The following HTR3C variants were observed in gnomAD, a reference collection of about 807,000 sequenced individuals.
HTR3C encodes 5-hydroxytryptamine receptor 3C, also known as 5-HT3-C.
A neutral mutation model predicts 40.5 loss-of-function variants in HTR3C; 32 were observed. The observed-to-expected ratio is 0.79, with a 90% CI of 0.60 to 1.06. The LOEUF (loss-of-function observed/expected upper bound fraction) is 1.06. HTR3C is among the 50% of genes least tolerant of loss of function. The pLI is 0.00. For synonymous variants in HTR3C, 209 were observed against 217.1 expected, an observed-to-expected ratio of 0.96 and a Z score of 0.33; for missense variants, 523 against 556.8, an observed-to-expected ratio of 0.94 and a Z score of 0.61.
chr3:184,056,412 C>T, intron 4 of HTR3C, 126 bp downstream of exon 4: 1 of 688,704 alleles, frequency 1.5e-6, no homozygotes, highest in Non-Finnish European at 2.6e-6. Flanking sequence ...CTGACTTCCA[C>T]ACATCACTAC....
At position 184,059,510 on chromosome 3, in the gene HTR3C, T is replaced by A; in HGVS notation, c.795T>A (p.Asp265Glu). The change falls in exon 7 of 9, where the codon GAT (aspartate) becomes GAA (glutamate). Residue 265 changes from aspartate (D) to glutamate (E), a missense_variant. By Grantham distance (45) the Asp-to-Glu change is conservative. Coordinates refer to ENST00000318351, the MANE Select transcript of HTR3C (RefSeq NM_130770.3). ...LVPSSFLVAIDALSFYLPAES... is the reference protein window; with the variant it reads ...LVPSSFLVAIEALSFYLPAES... ...CCAGTAGCTTTCTGGTTGCCATTGA[T>A]GCCCTCAGCTTCTACCTGCCAGCAG... 6.2e-7 allele frequency: 1 copy of A among 1,614,210 alleles called. No homozygotes were observed. The highest frequency in any genetic ancestry group is 1.1e-5 in the South Asian group (1 of 91,082).
chr3:184,054,675 C>G (rs775518329), intron 1 of HTR3C, 46 bp from the exon 2 acceptor site: 11 of 1,472,030 alleles, frequency 7.5e-6, no homozygotes, highest in Admixed American at 6.7e-5. Flanking sequence ...GAGACTCCAG[C>G]CCTGGAAATA....
At position 184,060,387 on chromosome 3, in the gene HTR3C, G is replaced by A; in HGVS notation, c.*35G>A. On this transcript the variant is annotated 3_prime_UTR_variant, in exon 9 of 9. Transcript: ENST00000318351. ...CCCCCTCTCTGGCAAACAACAGCTT[G>A]GAGTTTCTGCTGGTCTTGGGCCAGC... The A allele has an allele frequency of 6.2e-7, 1 of 1,613,364 alleles. No homozygotes were observed. The highest frequency in any genetic ancestry group is 8.5e-7 in the Non-Finnish European group (1 of 1,179,364).
chr3:184,059,618 T>C lies in HTR3C; in HGVS notation c.903T>C (p.Pro301=). 6.2e-7 allele frequency: 1 copy of C among 1,614,118 alleles called. No individual in the cohort carries two copies. Among genetic ancestry groups the C allele is most frequent in the Non-Finnish European group, 8.5e-7 (1 of 1,180,016 alleles). ...TGCTCATGATGAATGACTTGCTCCC[T>C]GCCAGTGGCACCCCCCTCATCAGTA... The part of the protein sequence containing the change: ...VFLLMMNDLL[P]ASGTPLISVY... Residue 301 remains proline, a synonymous_variant, in exon 7 of 9, where the codon CCT becomes CCC. Transcript: ENST00000318351.
intron 2 of HTR3C, 54 bp downstream of exon 2, chr3:184,054,941 C>T: frequency 6.5e-7 from 1 of 1,529,676 alleles, no homozygotes; most frequent in South Asian, 1.3e-5. Flanking sequence ...AACGAGGACC[C>T]TCTGCCCTGT....
In HTR3C at chr3:184,058,595, C is replaced by T. The variant is rs1173882707; in HGVS notation, c.720+8C>T. On this transcript the variant is annotated splice_region_variant and intron_variant, in intron 6 of 8. Transcript: ENST00000318351. ...GACCAGATCATGTTTTATGTGAGTC[C>T]AGGGGCCCCTGTTTGACTTCTGATC... 1 of 1,605,490 alleles carries T rather than the reference C, an allele frequency of 6.2e-7. No homozygotes were observed. The highest frequency in any genetic ancestry group is 1.1e-5 in the South Asian group (1 of 89,244).
In HTR3C at chr3:184,060,201, C is replaced by T. The variant is rs1723418175; in HGVS notation, c.1193C>T (p.Thr398Ile). The part of the protein sequence containing the change: ...LAGKKLGPRE[T>I]EPDGGSGWTK... ...GGGAAGAAGCTGGGACCCAGAGAGACCGAGCCAGATGGGGGCTCAGGATGG... is the reference window on the plus strand; with the variant it reads ...GGGAAGAAGCTGGGACCCAGAGAGATCGAGCCAGATGGGGGCTCAGGATGG... Residue 398 changes from threonine to isoleucine, a missense_variant, in exon 9 of 9, where the codon ACC (threonine) becomes ATC (isoleucine). Thr to Ile is a moderately conservative substitution (Grantham distance 89, BLOSUM62 -1). Transcript: ENST00000318351. 3 of 1,614,162 alleles carry T rather than the reference C, an allele frequency of 1.9e-6. No individual in the cohort carries two copies. Among genetic ancestry groups the T allele is most frequent in the African/African-American group, 1.3e-5 (1 of 75,046 alleles).
chr3:184,055,884 C>CAAAAAAAAAAAAA lies in HTR3C; in HGVS notation c.280-276_280-264dup, dbSNP rs71185686. ...TCTTAGGAAGGTTGAAATAGCAACTCAAAAAAAAAAAAAAAAAAAAAAAAA... is the reference window on the plus strand; with the variant it reads ...TCTTAGGAAGGTTGAAATAGCAACTCAAAAAAAAAAAAAAAAAAAAAAAAAAAAAAAAAAAAAA... On this transcript the variant is annotated intron_variant, in intron 3 of 8. Transcript: ENST00000318351. Among the ~76,000 whole-genome samples the CAAAAAAAAAAAAA allele has an allele frequency of 2.2e-3, 68 of 30,708 alleles. 21 individuals carry two copies. Among genetic ancestry groups the CAAAAAAAAAAAAA allele is most frequent in the Admixed American group, 4.0e-3 (6 of 1,484 alleles). The allele number at this position is 30,708 out of a possible 152,430, so 20.1% of individuals were successfully genotyped here. A position where few individuals can be genotyped will look rare whatever the true frequency, so the allele number is the denominator to read the frequency against.
rs1387590554 is a variant in HTR3C at position 184,060,566 on chromosome 3, C to G, written c.*214C>G. The G allele has an allele frequency of 1.6e-6, 1 of 612,186 alleles. No individual in the cohort carries two copies. The highest frequency in any genetic ancestry group is 2.9e-6 in the Non-Finnish European group (1 of 349,038). The allele number at this position is 612,186 out of a possible 1,614,324, so 37.9% of individuals were successfully genotyped here. ...CTCAGGCTGCTCATTCCTGCTCACC[C>G]TCAGTCTCCCTGAGCTACCACCTAA... is the stretch of plus-strand genomic sequence containing the variant. On this transcript the variant is annotated 3_prime_UTR_variant, in exon 9 of 9. Transcript: ENST00000318351.
chr3:184,056,132 C>A, intron 3 of HTR3C, 45 bp from the exon 4 acceptor site: 4 of 1,282,486 alleles, frequency 3.1e-6, no homozygotes, highest in Non-Finnish European at 4.6e-6. Flanking sequence ...GCCGACAGGA[C>A]AAGCTCACCG....
chr3:184,059,778 T>C, intron 7 of HTR3C, 50 bp from the exon 8 acceptor site: 1 of 1,604,180 alleles, frequency 6.2e-7, no homozygotes, highest in Non-Finnish European at 8.5e-7. Flanking sequence ...GCGTGAGGAA[T>C]GCTTAGAGAT....
chr3:184,054,216 G>A (rs1166398227), intron 1 of HTR3C, among the ~76,000 whole-genome samples: 1 of 152,174 alleles, frequency 6.6e-6, no homozygotes, highest in East Asian at 1.9e-4. Context: ...TACCTACCGT[G>A]TTTCTCATAT....
In HTR3C at chr3:184,060,482, C is replaced by T. The variant is rs868582454; in HGVS notation, c.*130C>T. 2 of 1,201,832 alleles carry T rather than the reference C, an allele frequency of 1.7e-6. No individual in the cohort carries two copies. Among genetic ancestry groups the T allele is most frequent in the Non-Finnish European group, 2.4e-6 (2 of 831,072 alleles). The allele number at this position is 1,201,832 out of a possible 1,614,324, so 74.4% of individuals were successfully genotyped here. A position where few individuals can be genotyped will look rare whatever the true frequency, so the allele number is the denominator to read the frequency against. On this transcript the variant is annotated 3_prime_UTR_variant, in exon 9 of 9. Transcript: ENST00000318351. ...CATGTCCCCTTCTAAATTCCAAAGA[C>T]TCCAACGCAGCACTAGCAAGCAGGT... is the stretch of plus-strand genomic sequence containing the variant.
chr3:184,056,638 C>T (rs1368413046), intron 4 of HTR3C, among the ~76,000 whole-genome samples: 1 of 152,152 alleles, frequency 6.6e-6, no homozygotes, highest in African/African-American at 2.4e-5. Context: ...ATCCCAGCTA[C>T]TTGGGAGGCT....
rs185418170 is a variant in HTR3C, at chr3:184,054,540, C to T, written c.68-181C>T. On this transcript the variant is annotated intron_variant, in intron 1 of 8. Transcript: ENST00000318351. ...AGCCCTGACCTCAGCTCACCACATCCACTTCCACCATTTGCCTACCAGCCC... is the reference window on the plus strand; with the variant it reads ...AGCCCTGACCTCAGCTCACCACATCTACTTCCACCATTTGCCTACCAGCCC... 4.3e-3 allele frequency among the ~76,000 whole-genome samples: 653 copies of T among 152,312 alleles called. 3 individuals are homozygous for T. The highest frequency in any genetic ancestry group is 0.015 in the African/African-American group (631 of 41,562).
chr3:184,059,648 T>C lies in HTR3C; in HGVS notation c.925+8T>C, dbSNP rs1368723096. 1 of 1,613,658 alleles carries C rather than the reference T, an allele frequency of 6.2e-7. No homozygotes were observed. The highest frequency in any genetic ancestry group is 8.5e-7 in the Non-Finnish European group (1 of 1,179,858). ...GTGGCACCCCCCTCATCAGTATGGC[T>C]CCTCCCACTTTCAGGAGGAGAAAGG... On this transcript the variant is annotated splice_region_variant and intron_variant, in intron 7 of 8. Transcript: ENST00000318351.
At position 184,058,444 on chromosome 3, in the gene HTR3C, G is replaced by A; in HGVS notation, c.577G>A (p.Gly193Ser). ...CCTTCCAGTGGACAGCATGCTGCTGGGCATGGACAAGGAGGTGTGGGAGAT... is the reference window on the plus strand; with the variant it reads ...CCTTCCAGTGGACAGCATGCTGCTGAGCATGGACAAGGAGGTGTGGGAGAT... ...FLYTVDSMLLGMDKEVWEITD... is the reference protein window; with the variant it reads ...FLYTVDSMLLSMDKEVWEITD... The change falls in exon 6 of 9, where the codon GGC (glycine) becomes AGC (serine). Residue 193 changes from glycine to serine, a missense_variant. Coordinates refer to ENST00000318351, the MANE Select transcript of HTR3C (RefSeq NM_130770.3). 6.8e-6 allele frequency: 11 copies of A among 1,610,390 alleles called. No homozygotes were observed. The highest frequency in any genetic ancestry group is 9.3e-6 in the Non-Finnish European group (11 of 1,178,702).
chr3:184,056,534 G>T (rs1199115996), intron 4 of HTR3C, among the ~76,000 whole-genome samples: 3 of 152,108 alleles, frequency 2.0e-5, no homozygotes, highest in Non-Finnish European at 4.4e-5. Context: ...ATCACCTGAG[G>T]TCAGAAGTTC....
Position 184,054,887 on chromosome 3 carries a change from G to T in HTR3C, c.234G>T (p.Val78=). Residue 78 remains valine, a splice_region_variant and synonymous_variant, in exon 2 of 9, where the codon GTG becomes GTT. Coordinates refer to ENST00000318351, the MANE Select transcript of HTR3C (RefSeq NM_130770.3). ...ISFTLSAILG[V]DAQLQLLTSF... ...TCACCCTGTCTGCCATCCTGGGAGTGGTGAGACTTAGTCCCTGCATCTTTT... is the reference window on the plus strand; with the variant it reads ...TCACCCTGTCTGCCATCCTGGGAGTTGTGAGACTTAGTCCCTGCATCTTTT... The T allele has an allele frequency of 6.2e-7, 1 of 1,600,532 alleles. No homozygotes were observed. Among genetic ancestry groups the T allele is most frequent in the South Asian group, 1.1e-5 (1 of 88,676 alleles).
Sources: allele counts gnomAD v4.1 joint callset (sites outside exome capture counted in the v4.1 genomes callset), GRCh38; gene constraint gnomAD v4.1.1; transcripts MANE v1.5; gene names NCBI Gene and HGNC (gene_info 2026-07-23, HGNC 2026-07-21).